CDH12: variants seen among roughly 807,000 people sequenced by gnomAD.
The protein encoded by CDH12 is cadherin-12.
CDH12 carries 41 observed loss-of-function variants against 74.1 expected under a neutral mutation model. The observed-to-expected ratio is 0.55, with a 90% CI of 0.43 to 0.72. CDH12 has a LOEUF of 0.72. Ranked by LOEUF, CDH12 falls within the 30% of genes least tolerant of loss-of-function variation. The pLI is 0.00. For synonymous variants in CDH12, 399 were observed against 355.0 expected (o/e 1.12, Z -1.39); for missense variants, 945 against 977.2 (o/e 0.97, Z 0.44).
chr5:22,076,836 G>T (rs1742347833), intron 5 of CDH12, among the ~76,000 whole-genome samples: 1 of 152,030 alleles, frequency 6.6e-6, no homozygotes, highest in Admixed American at 6.6e-5. Context: ...ATCTGAGAAG[G>T]TCATTCTGGT....
intron 1 of CDH12, among the ~76,000 whole-genome samples, chr5:22,664,788 T>A (rs2126903405): frequency 6.6e-6 from 1 of 152,290 alleles, no homozygotes; most frequent in South Asian, 2.1e-4. Flanking sequence ...TAGACGTAGA[T>A]TTCAAAACCA....
At chr5:21,897,986 A>G (rs1376573103) in intron 6 of CDH12, among the ~76,000 whole-genome samples, 1 of 152,156 alleles carries the variant, frequency 6.6e-6, no homozygotes, top group African/African-American at 2.4e-5. Context: ...TGAGTAGGTT[A>G]TATGCCACTT....
At chr5:21,767,208 A>G (rs1260886178) in intron 11 of CDH12, among the ~76,000 whole-genome samples, 2 of 151,790 alleles carry the variant, frequency 1.3e-5, no homozygotes, top group African/African-American at 4.8e-5. Flanking sequence ...GAAAATGAGA[A>G]TGTCTTTTTT....
At chr5:22,414,515 G>T (rs1035957824) in intron 2 of CDH12, among the ~76,000 whole-genome samples, 8 of 151,882 alleles carry the variant, frequency 5.3e-5, no homozygotes, top group South Asian at 2.1e-4. Context: ...AAGCAAAGAG[G>T]TATTGGTAGC....
chr5:22,555,163 T>G (rs1273363012), intron 1 of CDH12, among the ~76,000 whole-genome samples: 1 of 152,046 alleles, frequency 6.6e-6, no homozygotes, highest in East Asian at 1.9e-4. Context: ...AAATGTATCT[T>G]CTTGTGCCTC....
chr5:22,769,316 T>C (rs892859090), intron 1 of CDH12, among the ~76,000 whole-genome samples: 2 of 152,122 alleles, frequency 1.3e-5, no homozygotes, highest in African/African-American at 4.8e-5. Context: ...GCTGGCTTGC[T>C]GAGTCTTGTG....
intron 1 of CDH12, among the ~76,000 whole-genome samples, chr5:22,604,325 T>C (rs182021657): frequency 2.0e-5 from 3 of 152,346 alleles, no homozygotes; most frequent in Admixed American, 1.3e-4. Context: ...GACAGAGTTA[T>C]GTTCATGATC....
chr5:22,680,646 A>G (rs1157215449), intron 1 of CDH12, among the ~76,000 whole-genome samples: 1 of 152,054 alleles, frequency 6.6e-6, no homozygotes, highest in Non-Finnish European at 1.5e-5. Context: ...TGACAACCAT[A>G]TTTGTATTAT....
At chr5:22,750,241 A>G (rs944494350) in intron 1 of CDH12, among the ~76,000 whole-genome samples, 1 of 152,194 alleles carries the variant, frequency 6.6e-6, no homozygotes, top group African/African-American at 2.4e-5. Flanking sequence ...AAAGAGAGCC[A>G]CAGGAGATGA....
chr5:22,797,065 T>C (rs939794792), intron 1 of CDH12, among the ~76,000 whole-genome samples: 1 of 151,230 alleles, frequency 6.6e-6, no homozygotes, highest in East Asian at 2.0e-4. Flanking sequence ...GACTGAATGT[T>C]TGTGTCACGC....
At chr5:22,669,506 G>GGTA in intron 1 of CDH12, among the ~76,000 whole-genome samples, 1 of 152,230 alleles carries the variant, frequency 6.6e-6, no homozygotes, top group Non-Finnish European at 1.5e-5. Flanking sequence ...AAAAGGCTAC[G>GGTA]TTTCCTGGCT....
intron 1 of CDH12, among the ~76,000 whole-genome samples, chr5:22,685,315 G>T (rs1430502807): frequency 6.6e-6 from 1 of 151,952 alleles, no homozygotes; most frequent in Non-Finnish European, 1.5e-5. Flanking sequence ...TTGGCTCATT[G>T]CAGCCTCCAC....
intron 3 of CDH12, among the ~76,000 whole-genome samples, chr5:22,356,620 T>C (rs148183920): frequency 7.9e-5 from 12 of 152,178 alleles, no homozygotes; most frequent in African/African-American, 2.9e-4. Flanking sequence ...GAAGACTGAG[T>C]CTTAAATAAT....
chr5:21,990,914 A>T lies in CDH12; in HGVS notation c.232-15529T>A, dbSNP rs978677181. 1.9e-4 allele frequency among the ~76,000 whole-genome samples: 29 copies of T among 150,984 alleles called. 1 individual carries two copies. Among genetic ancestry groups the T allele is most frequent in the Admixed American group, 1.9e-3 (28 of 15,124 alleles). On this transcript the variant is annotated intron_variant, in intron 5 of 14. Transcript: ENST00000382254. The stretch of plus-strand genomic sequence containing the variant: ...ACTGAATCATCTCACTTTTAATTTG[A>T]TAATACAATGCCATTAACAGAAAAA...
chr5:22,461,338 T>C (rs913411204), intron 2 of CDH12, among the ~76,000 whole-genome samples: 2 of 151,950 alleles, frequency 1.3e-5, no homozygotes, highest in African/African-American at 4.8e-5. Context: ...TCTAGCAATA[T>C]TGTAATTGCT....
rs537289548 is a variant in CDH12, at chr5:22,263,255, T to G, written c.-332-50612A>C. ...GCTTGAGTGTTTCATCTCAAGATTC[T>G]TCCTGCTAATATCATTCAGAGCCTG... On this transcript the variant is annotated intron_variant, in intron 3 of 14. Coordinates refer to ENST00000382254, the MANE Select transcript of CDH12 (RefSeq NM_004061.5). Among the ~76,000 whole-genome samples the G allele has an allele frequency of 2.4e-4, 37 of 152,290 alleles. No homozygotes were observed. The East Asian group carries it at 3.5e-3, about 14-fold the overall frequency.
chr5:22,677,071 T>A (rs572552634), intron 1 of CDH12, among the ~76,000 whole-genome samples: 3 of 152,286 alleles, frequency 2.0e-5, no homozygotes, highest in South Asian at 2.1e-4. Flanking sequence ...AGTGCATAAA[T>A]GGCAGCTGAG....
intron 5 of CDH12, among the ~76,000 whole-genome samples, chr5:22,033,473 A>C (rs1201956853): frequency 6.6e-6 from 1 of 152,194 alleles, no homozygotes; most frequent in Non-Finnish European, 1.5e-5. Context: ...GTTTCAGATG[A>C]GCCAATTATA....
chr5:22,540,169 C>T (rs1238951329), intron 1 of CDH12, among the ~76,000 whole-genome samples: 1 of 151,778 alleles, frequency 6.6e-6, no homozygotes, highest in Non-Finnish European at 1.5e-5. Flanking sequence ...AAATATCACA[C>T]AAAATTGAGG....
Sources: allele counts gnomAD v4.1 joint callset (sites outside exome capture counted in the v4.1 genomes callset), GRCh38; gene constraint gnomAD v4.1.1; transcripts MANE v1.5; gene names NCBI Gene and HGNC (gene_info 2026-07-23, HGNC 2026-07-21).